The following KIAA1614 variants were observed in gnomAD, a reference collection of about 807,000 sequenced individuals.
KIAA1614 encodes the protein uncharacterized protein KIAA1614.
In KIAA1614, 76 loss-of-function variants were observed where a neutral mutation model predicts 88.7. That is an observed-to-expected ratio of 0.86 (90% CI 0.71 to 1.04). The LOEUF is 1.04. Among genes scored for constraint, KIAA1614 ranks in the 50% least tolerant of loss-of-function variants. The pLI, the probability that KIAA1614 is intolerant of heterozygous loss-of-function variation, is 0.00. For synonymous variants in KIAA1614, 714 were observed against 675.5 expected, an observed-to-expected ratio of 1.06 and a Z score of -0.88; for missense variants, 1,553 against 1,582.5, an observed-to-expected ratio of 0.98 and a Z score of 0.32.
intron 7 of KIAA1614, among the ~76,000 whole-genome samples, chr1:180,943,038 T>TTTTTGTTTGTTTG (rs1553260085): frequency 0.088 from 13,101 of 149,196 alleles, 723 homozygotes; most frequent in East Asian, 0.19. Context: ...GTTTTTTTTT[T>TTTTTGTTTGTTTG]TTTTTTAAGA....
chr1:180,928,079 C>T (rs1654108357), intron 3 of KIAA1614: 1 of 185,300 alleles, frequency 5.4e-6, no homozygotes, highest in South Asian at 1.8e-4. Context: ...CTCCTCCTCC[C>T]AGATAGCTCC....
In KIAA1614 at chr1:180,928,511, G is replaced by A; in HGVS notation, c.1143G>A (p.Lys381=). 6.2e-7 allele frequency: 1 copy of A among 1,613,094 alleles called. No individual in the cohort carries two copies. Among genetic ancestry groups the A allele is most frequent in the Non-Finnish European group, 8.5e-7 (1 of 1,179,968 alleles). Residue 381 remains lysine (K), a synonymous_variant, in exon 4 of 9, where the codon AAG becomes AAA. Coordinates refer to ENST00000367588, the MANE Select transcript of KIAA1614 (RefSeq NM_020950.2). ...ATHLLQRARM[K]ARTRPLRASH... ...ATCTGCTGCAGCGTGCCCGCATGAAGGCCAGGACCCGGCCCCTCCGTGCCA... is the reference window on the plus strand; with the variant it reads ...ATCTGCTGCAGCGTGCCCGCATGAAAGCCAGGACCCGGCCCCTCCGTGCCA...
chr1:180,913,800 A>G (rs568089736), intron 1 of KIAA1614: 3 of 152,268 alleles, frequency 2.0e-5, no homozygotes, highest in Non-Finnish European at 2.9e-5. Context: ...CTCATATTAC[A>G]TTCTAATCCC....
Position 180,936,093 on chromosome 1 carries a change from G to C in KIAA1614, c.2184G>C (p.Gly728=). 1 of 1,614,222 alleles carries C rather than the reference G, an allele frequency of 6.2e-7. No individual in the cohort carries two copies. The highest frequency in any genetic ancestry group is 8.5e-7 in the Non-Finnish European group (1 of 1,180,028). ...GACCCCAGTGGCAGCCTGGACCAGG[G>C]CTGGGAAGTCACCAGCCTCACCCTT... The part of the protein sequence containing the change: ...SLGPQWQPGP[G]LGSHQPHPLD... The change falls in exon 5 of 9, where the codon GGG becomes GGC. Residue 728 remains glycine, a synonymous_variant. Transcript: ENST00000367588.
chr1:180,923,374 A>G (rs551190434), intron 3 of KIAA1614, among the ~76,000 whole-genome samples: 25 of 152,282 alleles, frequency 1.6e-4, no homozygotes, highest in African/African-American at 5.5e-4. Context: ...TTACCATACA[A>G]AAGACACTCT....
At chr1:180,920,825 C>T (rs889236624) in intron 3 of KIAA1614, among the ~76,000 whole-genome samples, 1 of 152,060 alleles carries the variant, frequency 6.6e-6, no homozygotes, top group South Asian at 2.1e-4. Context: ...CGGAGGAGAC[C>T]CCCGGCCCCC....
chr1:180,919,774 G>A (rs12034554), intron 3 of KIAA1614, among the ~76,000 whole-genome samples: 18,861 of 152,156 alleles, frequency 0.12, 1,439 homozygotes, highest in African/African-American at 0.22. Flanking sequence ...CCTTAGTGCT[G>A]TGAGGAGATG....
intron 7 of KIAA1614, among the ~76,000 whole-genome samples, chr1:180,942,231 G>A (rs78307599): frequency 0.021 from 3,208 of 152,338 alleles, 103 homozygotes; most frequent in African/African-American, 0.069. Flanking sequence ...GGAAGCTAGT[G>A]CAGTACGCAC....
At chr1:180,927,183 C>G (rs1381482919) in intron 3 of KIAA1614, among the ~76,000 whole-genome samples, 1 of 152,168 alleles carries the variant, frequency 6.6e-6, no homozygotes, top group Non-Finnish European at 1.5e-5. Context: ...GGTCCCTTCC[C>G]CCAGTCAGGA....
At chr1:180,932,849 C>T (rs1654230805) in intron 4 of KIAA1614, among the ~76,000 whole-genome samples, 1 of 152,214 alleles carries the variant, frequency 6.6e-6, no homozygotes, top group Non-Finnish European at 1.5e-5. Flanking sequence ...AAGCAATTCT[C>T]ATGCCTCAGC....
rs550253723 is a variant in KIAA1614 at position 180,924,599 on chromosome 1, A to G, written c.1062-3831A>G. Among the ~76,000 whole-genome samples, 6 of 152,202 alleles carry G rather than the reference A, an allele frequency of 3.9e-5. No homozygotes were observed. In the East Asian group the frequency reaches 1.2e-3, roughly 29 times the overall value. On this transcript the variant is annotated intron_variant, in intron 3 of 8. Transcript: ENST00000367588. ...TCTCCATTGACAGGAGGGCCTATTG[A>G]CTGTCTGGGAGTCAGCTTTCCTCCA...
At position 180,916,927 on chromosome 1, in the gene KIAA1614, G is replaced by C. The variant is rs77981586; in HGVS notation, c.824G>C (p.Arg275Pro). ...FVPRTALLGE[R>P]WRAGDLEALG... The stretch of plus-strand genomic sequence containing the variant: ...CCCAGGACGGCCCTGCTGGGTGAGC[G>C]CTGGAGAGCTGGAGACCTGGAGGCT... Residue 275 changes from arginine (R) to proline (P), a missense_variant, in exon 2 of 9, where the codon CGC becomes CCC. Arg to Pro is a moderately radical substitution (Grantham distance 103). Coordinates refer to ENST00000367588, the MANE Select transcript of KIAA1614 (RefSeq NM_020950.2). The C allele has an allele frequency of 1.9e-6, 3 of 1,614,098 alleles. No individual in the cohort carries two copies. Among genetic ancestry groups the C allele is most frequent in the East Asian group, 4.5e-5 (2 of 44,902 alleles).
chr1:180,941,006 G>GGCCCA, intron 6 of KIAA1614, 39 bp from the exon 7 acceptor site: 2 of 908,444 alleles, frequency 2.2e-6, no homozygotes, highest in East Asian at 3.2e-5. Flanking sequence ...CACCCTCCCG[G>GGCCCA]CCCTCCCCCG....
Position 180,935,872 on chromosome 1 carries a change from C to T in KIAA1614, c.1963C>T (p.Arg655Ter), listed in dbSNP as rs909466136. The T allele has an allele frequency of 1.9e-5, 31 of 1,613,806 alleles. 1 individual carries two copies. Among genetic ancestry groups the T allele is most frequent in the Non-Finnish European group, 2.5e-5 (30 of 1,179,920 alleles). ...ACTGCGACTGCGGGGCTCCAGGCCT[C>T]GAGGCCACAGGTGGTCCAAGAAGGC... ...PRLRLRGSRP[R>*]GHRWSKKAEA... Residue 655 changes from arginine to a stop codon, truncating the protein, a stop_gained, in exon 5 of 9, where the codon CGA (arginine) becomes TGA (stop). Coordinates refer to ENST00000367588, the MANE Select transcript of KIAA1614 (RefSeq NM_020950.2). LOFTEE classifies it high-confidence loss of function. This position sits in a 1 kb window ranked among gnomAD's most constrained non-coding sequence, Gnocchi z 6.1.
chr1:180,928,681 T>C, intron 4 of KIAA1614, 108 bp downstream of exon 4: 1 of 1,189,886 alleles, frequency 8.4e-7, no homozygotes, highest in Non-Finnish European at 1.1e-6. Flanking sequence ...GCTCCATGTG[T>C]GTGTGTGTCT....
chr1:180,938,760 G>C, intron 6 of KIAA1614, 49 bp downstream of exon 6: 1 of 1,584,836 alleles, frequency 6.3e-7, no homozygotes, highest in South Asian at 1.1e-5. Context: ...TGGGAATGGG[G>C]GCTCTGGGAG....
rs565769507 is a variant in KIAA1614 at position 180,945,716 on chromosome 1, T to C, written c.*128T>C. ...CTGCAGAGCCTTTGCCCTAGGCAACTGCAGCTGAGAGTGCGTTGGTGGGGA... is the reference window on the plus strand; with the variant it reads ...CTGCAGAGCCTTTGCCCTAGGCAACCGCAGCTGAGAGTGCGTTGGTGGGGA... On this transcript the variant is annotated 3_prime_UTR_variant, in exon 9 of 9. Coordinates refer to ENST00000367588, the MANE Select transcript of KIAA1614 (RefSeq NM_020950.2). 2.9e-6 allele frequency: 4 copies of C among 1,401,036 alleles called. No individual in the cohort carries two copies. Among genetic ancestry groups the C allele is most frequent in the Admixed American group, 3.5e-5 (1 of 28,756 alleles). 86.8% of individuals were successfully genotyped at this position (1,401,036 alleles called of 1,614,324 possible).
chr1:180,917,615 C>T (rs1259362507), intron 2 of KIAA1614, among the ~76,000 whole-genome samples: 1 of 152,194 alleles, frequency 6.6e-6, no homozygotes, highest in Non-Finnish European at 1.5e-5. Context: ...TCCAAAATCT[C>T]ACAAGCTCAT....
At chr1:180,925,154 C>T (rs985032482) in intron 3 of KIAA1614, among the ~76,000 whole-genome samples, 3 of 152,190 alleles carry the variant, frequency 2.0e-5, no homozygotes, top group Admixed American at 6.5e-5. Context: ...TGTCCATGTC[C>T]TGCAGACCTG....
Sources: allele counts gnomAD v4.1 joint callset (sites outside exome capture counted in the v4.1 genomes callset), GRCh38; gene constraint gnomAD v4.1.1; non-coding constraint Gnocchi (gnomAD v3.1); transcripts MANE v1.5; gene names NCBI Gene and HGNC (gene_info 2026-07-23, HGNC 2026-07-21).